The following ADRA1A variants were observed in gnomAD, a reference collection of about 807,000 sequenced individuals.
ADRA1A encodes the protein alpha-1A adrenergic receptor.
Under a neutral mutation model 29.6 loss-of-function variants are expected in ADRA1A, and 31 were observed. That is an observed-to-expected ratio of 1.05 (90% CI 0.79 to 1.41). ADRA1A has a LOEUF of 1.41. ADRA1A is among the 40% of genes most tolerant of loss of function. The pLI, the probability that ADRA1A is intolerant of heterozygous loss-of-function variation, is 0.00. For missense variants in ADRA1A, 619 were observed against 601.1 expected, an observed-to-expected ratio of 1.03 and a Z score of -0.31; for synonymous variants, 311 against 254.3, an observed-to-expected ratio of 1.22 and a Z score of -2.12.
chr8:26,786,964 C>T (rs1250339886), intron 2 of ADRA1A, among the ~76,000 whole-genome samples: 4 of 152,130 alleles, frequency 2.6e-5, no homozygotes, highest in Non-Finnish European at 4.4e-5. Flanking sequence ...ATGTGGCAGA[C>T]ATCATGCAAA....
chr8:26,822,691 A>G (rs1410833555), intron 2 of ADRA1A, among the ~76,000 whole-genome samples: 1 of 152,240 alleles, frequency 6.6e-6, no homozygotes, highest in Non-Finnish European at 1.5e-5. Context: ...TCACATTGCT[A>G]CAAAGGAATG....
chr8:26,804,261 T>G (rs1196355760), intron 2 of ADRA1A, among the ~76,000 whole-genome samples: 1 of 152,126 alleles, frequency 6.6e-6, no homozygotes, highest in Admixed American at 6.5e-5. Flanking sequence ...ATTACTCTCC[T>G]TAATGCTTAC....
chr8:26,766,866 A>G (rs968202348), downstream of ADRA1A, among the ~76,000 whole-genome samples: 1 of 152,110 alleles, frequency 6.6e-6, no homozygotes, highest in Non-Finnish European at 1.5e-5. Flanking sequence ...CCTAACAAAA[A>G]TCTTAAGAGA....
chr8:26,771,081 T>C (rs1806108803), intron 2 of ADRA1A, among the ~76,000 whole-genome samples: 1 of 152,246 alleles, frequency 6.6e-6, no homozygotes, highest in Non-Finnish European at 1.5e-5. Flanking sequence ...CCCTTTATTC[T>C]CTGATGCAGT....
At chr8:26,750,167 CA>C (rs887253264) in intron 2 of ADRA1A, among the ~76,000 whole-genome samples, 4 of 152,102 alleles carry the variant, frequency 2.6e-5, no homozygotes, top group Non-Finnish European at 5.9e-5. Context: ...CCTCAGATAG[CA>C]GAAGGGACAA....
intron 2 of ADRA1A, among the ~76,000 whole-genome samples, chr8:26,858,211 C>T (rs1813188392): frequency 6.6e-6 from 1 of 152,190 alleles, no homozygotes; most frequent in Admixed American, 6.5e-5. Context: ...GATTCAGTGG[C>T]AACAGCAATC....
chr8:26,797,076 T>A (rs150689719), intron 2 of ADRA1A, among the ~76,000 whole-genome samples: 207 of 152,066 alleles, frequency 1.4e-3, no homozygotes, highest in African/African-American at 4.5e-3. Context: ...GAGAGTGGAG[T>A]GAAATGTTTC....
At chr8:26,786,201 C>A in intron 2 of ADRA1A, among the ~76,000 whole-genome samples, 1 of 151,842 alleles carries the variant, frequency 6.6e-6, no homozygotes, top group East Asian at 2.0e-4. Context: ...CTATCCCCTG[C>A]TCTGGCCACC....
At chr8:26,799,518 G>A (rs184788732) in intron 2 of ADRA1A, among the ~76,000 whole-genome samples, 49 of 152,316 alleles carry the variant, frequency 3.2e-4, no homozygotes, top group Admixed American at 2.0e-3. Flanking sequence ...CCAGCACAGG[G>A]TAATTGCCTA....
chr8:26,861,493 T>C (rs542583234), intron 2 of ADRA1A, among the ~76,000 whole-genome samples: 8 of 152,064 alleles, frequency 5.3e-5, no homozygotes, highest in Non-Finnish European at 1.2e-4. Flanking sequence ...ATCTTTTCTC[T>C]TGTCAACCTC....
chr8:26,814,245 A>G (rs565148850), intron 2 of ADRA1A, among the ~76,000 whole-genome samples: 50 of 151,782 alleles, frequency 3.3e-4, no homozygotes, highest in Non-Finnish European at 6.6e-4. Flanking sequence ...AAAATTTTTC[A>G]TTTATTTATG....
At chr8:26,814,811 A>T (rs921434649) in intron 2 of ADRA1A, among the ~76,000 whole-genome samples, 1 of 152,126 alleles carries the variant, frequency 6.6e-6, no homozygotes, top group Non-Finnish European at 1.5e-5. Flanking sequence ...TGCTGTGCTG[A>T]ATTTTTAGTA....
intron 2 of ADRA1A, among the ~76,000 whole-genome samples, chr8:26,832,676 AGGGAAGTAGACTGAGAAACAGGCTCT>A (rs2130656142): frequency 6.6e-6 from 1 of 152,276 alleles, no homozygotes; most frequent in South Asian, 2.1e-4. Context: ...TGTCTAGGGC[AGGGAAGTAGACTGAGAAACAGGCTCT>A]GGGAAGTAGA....
In ADRA1A at chr8:26,779,412, T is replaced by G. The variant is rs1294441631; in HGVS notation, c.884-8746A>C. 1.1e-5 allele frequency: 8 copies of G among 702,286 alleles called. No homozygotes were observed. The Admixed American group carries it at 1.4e-4, about 12-fold the overall frequency. 43.5% of individuals were successfully genotyped at this position (702,286 alleles called of 1,614,324 possible). Reference sequence around the variant, plus strand: ...GCTGGGTGAGTCATTTTTTCCTTCTTGGGCCTCAGTTTCCTCATCTGTAAA... The same window carrying G: ...GCTGGGTGAGTCATTTTTTCCTTCTGGGGCCTCAGTTTCCTCATCTGTAAA... On this transcript the variant is annotated intron_variant, in intron 2 of 2. Transcript: ENST00000380573.
At chr8:26,824,723 C>A (rs1810424273) in intron 2 of ADRA1A, among the ~76,000 whole-genome samples, 1 of 152,060 alleles carries the variant, frequency 6.6e-6, no homozygotes, top group African/African-American at 2.4e-5. Context: ...AAGTGAAATC[C>A]CTAGGGAAGT....
Position 26,787,478 on chromosome 8 carries a change from A to G in ADRA1A, c.884-16812T>C, listed in dbSNP as rs1195136734. Among the ~76,000 whole-genome samples the G allele has an allele frequency of 2.0e-5, 3 of 152,194 alleles. No individual in the cohort carries two copies. The highest frequency in any genetic ancestry group is 4.4e-5 in the Non-Finnish European group (3 of 68,022). On this transcript the variant is annotated intron_variant, in intron 2 of 2. Transcript: ENST00000380573. The surrounding 1 kb of genome is among the most constrained non-coding windows in gnomAD (Gnocchi z 4.2). ...AATAAAGTACGCCTAAAAAACAATC[A>G]GGTAAGATTGGTCAGAAAGTATGAT...
At chr8:26,822,895 T>C (rs1810279089) in intron 2 of ADRA1A, among the ~76,000 whole-genome samples, 1 of 152,032 alleles carries the variant, frequency 6.6e-6, no homozygotes, top group Non-Finnish European at 1.5e-5. Context: ...CACACACTTT[T>C]AATAAACAAA....
At chr8:26,753,791 A>G (rs892943541), downstream of ADRA1A, among the ~76,000 whole-genome samples, 2 of 152,212 alleles carry the variant, frequency 1.3e-5, no homozygotes, top group African/African-American at 4.8e-5. Flanking sequence ...ACAACACACC[A>G]TGATTGAAAA....
At chr8:26,850,100 A>G (rs1393214626) in intron 2 of ADRA1A, among the ~76,000 whole-genome samples, 5 of 151,948 alleles carry the variant, frequency 3.3e-5, no homozygotes, top group African/African-American at 1.2e-4. Flanking sequence ...AGATCAGAGC[A>G]GAGGACATCA....
Sources: gnomAD v4.1 joint callset for allele counts (sites outside exome capture counted in the v4.1 genomes callset) on GRCh38, gnomAD v4.1.1 for gene constraint, Gnocchi (gnomAD v3.1) non-coding constraint, MANE v1.5 for transcripts, NCBI Gene and HGNC (gene_info 2026-07-23, HGNC 2026-07-21) for gene names.